The following IQSEC1 variants were observed in gnomAD, a reference collection of about 807,000 sequenced individuals.
The protein encoded by IQSEC1 is IQ motif and Sec7 domain ArfGEF 1, also known as IQ motif and SEC7 domain-containing protein 1.
In IQSEC1, 31 loss-of-function variants were observed where a neutral mutation model predicts 91.0. That is an observed-to-expected ratio of 0.34 (90% confidence interval 0.26 to 0.46). IQSEC1 has a LOEUF of 0.46. Among genes scored for constraint, IQSEC1 ranks in the 20% least tolerant of loss-of-function variants. The probability of loss-of-function intolerance (pLI) is 1.00; values close to 1 mark genes in which losing one functional copy is unlikely to be tolerated. For missense variants in IQSEC1, 1,388 were observed against 1,575.6 expected, an observed-to-expected ratio of 0.88 and a Z score of 2.02; for synonymous variants, 699 against 662.6, an observed-to-expected ratio of 1.05 and a Z score of -0.84.
chr3:13,137,645 C>T (rs1012215913), intron 2 of IQSEC1, among the ~76,000 whole-genome samples: 3 of 152,150 alleles, frequency 2.0e-5, no homozygotes, highest in African/African-American at 7.2e-5. Flanking sequence ...CACAGATAAT[C>T]ATTATTTTAT....
At chr3:13,042,032 G>C (rs1394506827) in intron 1 of IQSEC1, among the ~76,000 whole-genome samples, 1 of 152,256 alleles carries the variant, frequency 6.6e-6, no homozygotes, top group East Asian at 1.9e-4. Flanking sequence ...ATGAAACACA[G>C]TGCCTGGCCA....
At chr3:13,192,795 G>A (rs979836524) in intron 1 of IQSEC1, among the ~76,000 whole-genome samples, 6 of 152,214 alleles carry the variant, frequency 3.9e-5, no homozygotes, top group African/African-American at 1.4e-4. Context: ...TGTCCACCTG[G>A]CTGGGCTCCT....
chr3:13,038,550 TAGAA>T (rs2125031353), intron 1 of IQSEC1, among the ~76,000 whole-genome samples: 1 of 151,838 alleles, frequency 6.6e-6, no homozygotes, highest in Admixed American at 6.6e-5. Context: ...ATACAAAAAA[TAGAA>T]GGAATGAGTA....
At chr3:12,947,740 C>T (rs1002110922) in intron 1 of IQSEC1, among the ~76,000 whole-genome samples, 5 of 152,218 alleles carry the variant, frequency 3.3e-5, no homozygotes, top group African/African-American at 4.8e-5. Flanking sequence ...CACTCTGCCC[C>T]AGAGCCCATC....
intron 3 of IQSEC1, among the ~76,000 whole-genome samples, chr3:12,934,173 C>T (rs913067923): frequency 9.9e-5 from 15 of 152,206 alleles, no homozygotes; most frequent in Admixed American, 1.3e-4. Context: ...TGAGAGCAGC[C>T]GTACTCTGCA....
At chr3:13,122,261 C>T (rs933855929) in intron 2 of IQSEC1, among the ~76,000 whole-genome samples, 3 of 152,228 alleles carry the variant, frequency 2.0e-5, no homozygotes, top group African/African-American at 4.8e-5. Context: ...GCCAGATGGG[C>T]GGAGAGCACA....
chr3:13,142,682 A>G (rs1007625501), intron 2 of IQSEC1, among the ~76,000 whole-genome samples: 1 of 152,242 alleles, frequency 6.6e-6, no homozygotes, highest in Non-Finnish European at 1.5e-5. Flanking sequence ...GAAAACGTCA[A>G]CAGAACACCA....
intron 1 of IQSEC1, among the ~76,000 whole-genome samples, chr3:13,032,673 T>G (rs1703888189): frequency 1.3e-5 from 2 of 151,586 alleles, no homozygotes; most frequent in African/African-American, 4.9e-5. Flanking sequence ...AAGCTCCACC[T>G]CGCAGGTTCA....
intron 1 of IQSEC1, among the ~76,000 whole-genome samples, chr3:13,002,092 C>T (rs916481858): frequency 6.6e-6 from 1 of 151,918 alleles, no homozygotes; most frequent in African/African-American, 2.4e-5. Context: ...AAACAAACAA[C>T]AACAACAAAA....
chr3:12,953,291 G>C (rs923160579), intron 1 of IQSEC1, among the ~76,000 whole-genome samples: 3 of 152,212 alleles, frequency 2.0e-5, no homozygotes, highest in Non-Finnish European at 4.4e-5. Flanking sequence ...AGCCCGACCC[G>C]ATCCGCGAGG....
rs138501469 is a variant in IQSEC1, at chr3:13,147,932, C to T, written c.302+16172G>A. On this transcript the variant is annotated intron_variant, in intron 2 of 15. Coordinates refer to the IQSEC1 transcript ENST00000648114. ...ACAGGCGTGAGCCACCACGCCCAGC[C>T]GACAGGTGTCTTTTTGATATAGTGA... Among the ~76,000 whole-genome samples the T allele has an allele frequency of 3.4e-3, 519 of 152,270 alleles. 4 individuals carry two copies. Among genetic ancestry groups the T allele is most frequent in the Admixed American group, 5.6e-3 (86 of 15,296 alleles).
In IQSEC1 at chr3:12,967,633, G is replaced by GGCCCCAAGTCCGA; in HGVS notation, c.24-25781_24-25769dup. The GGCCCCAAGTCCGA allele has an allele frequency of 3.2e-6, 4 of 1,231,266 alleles. No homozygotes were observed. The highest frequency in any genetic ancestry group is 4.0e-6 in the Non-Finnish European group (4 of 987,774). The allele number at this position is 1,231,266 out of a possible 1,614,324, so 76.3% of individuals were successfully genotyped here. A position where few individuals can be genotyped will look rare whatever the true frequency, so the allele number is the denominator to read the frequency against. ...AGCGTCCGCCGGCTCCCGCGGCTCC[G>GGCCCCAAGTCCGA]GCCCCAAGTCCGAGCCCCAGGCCAG... is the stretch of plus-strand genomic sequence containing the variant. On this transcript the variant is annotated intron_variant, in intron 1 of 13. Transcript: ENST00000613206. The surrounding 1 kb of genome is among the most constrained non-coding windows in gnomAD (Gnocchi z 5.9).
chr3:13,026,242 C>G (rs1703607877), intron 1 of IQSEC1, among the ~76,000 whole-genome samples: 1 of 152,236 alleles, frequency 6.6e-6, no homozygotes, highest in Non-Finnish European at 1.5e-5. Context: ...AAACTGTTCT[C>G]TCCCCCAACC....
chr3:13,183,815 C>T (rs867811385), intron 1 of IQSEC1, among the ~76,000 whole-genome samples: 4 of 152,122 alleles, frequency 2.6e-5, no homozygotes, highest in Non-Finnish European at 5.9e-5. Flanking sequence ...GACCCATGCT[C>T]TACACAGACT....
intron 2 of IQSEC1, among the ~76,000 whole-genome samples, chr3:13,119,013 TG>T (rs1473330907): frequency 6.6e-6 from 1 of 151,710 alleles, no homozygotes; most frequent in African/African-American, 2.4e-5. Context: ...AGGCAAAGGT[TG>T]CAGTGAGTCG....
At chr3:12,963,942 A>G (rs562769792) in intron 1 of IQSEC1, among the ~76,000 whole-genome samples, 119 of 152,382 alleles carry the variant, frequency 7.8e-4, no homozygotes, top group Middle Eastern at 3.4e-3. Flanking sequence ...TAACACCTGC[A>G]TTTATGGATG....
At chr3:13,239,352 G>A (rs1254986255) in intron 1 of IQSEC1, among the ~76,000 whole-genome samples, 1 of 152,222 alleles carries the variant, frequency 6.6e-6, no homozygotes, top group Non-Finnish European at 1.5e-5. Flanking sequence ...CTGAGATCTG[G>A]AAGAGGCAGG....
chr3:13,067,917 C>T (rs1705289510), intron 1 of IQSEC1, among the ~76,000 whole-genome samples: 1 of 152,214 alleles, frequency 6.6e-6, no homozygotes, highest in African/African-American at 2.4e-5. Context: ...TTTAGGGGCA[C>T]AGGGGGCCTT....
intron 1 of IQSEC1, among the ~76,000 whole-genome samples, chr3:13,183,854 C>A (rs192047111): frequency 2.6e-5 from 4 of 151,846 alleles, no homozygotes; most frequent in Non-Finnish European, 4.4e-5. Context: ...AAAACATAGC[C>A]GACAAATAAG....
Sources: allele counts gnomAD v4.1 joint callset (sites outside exome capture counted in the v4.1 genomes callset), GRCh38; gene constraint gnomAD v4.1.1; non-coding constraint Gnocchi (gnomAD v3.1); transcripts MANE v1.5; gene names NCBI Gene and HGNC (gene_info 2026-07-23, HGNC 2026-07-21).